DNAH5: variants seen among roughly 807,000 people sequenced by gnomAD.
DNAH5 encodes dynein axonemal heavy chain 5.
In DNAH5, 372 loss-of-function variants were observed where a neutral mutation model predicts 518.2. The observed-to-expected ratio is 0.72, with a 90% CI of 0.66 to 0.78. The LOEUF (loss-of-function observed/expected upper bound fraction) is 0.78. Ranked by LOEUF, DNAH5 falls within the 30% of genes least tolerant of loss-of-function variation. The probability of loss-of-function intolerance (pLI) is 0.00; values close to 1 mark genes in which losing one functional copy is unlikely to be tolerated. For synonymous variants in DNAH5, 2,039 were observed against 2,025.9 expected (o/e 1.01, Z -0.17); for missense variants, 5,523 against 5,687.0 (o/e 0.97, Z 0.93).
chr5:13,904,403 G>T (rs1245011073), intron 12 of DNAH5, among the ~76,000 whole-genome samples: 1 of 147,796 alleles, frequency 6.8e-6, no homozygotes, highest in Non-Finnish European at 1.5e-5. Context: ...ATAAATTATA[G>T]ATATATATAT....
chr5:13,870,042 T>C (rs1335109220), intron 24 of DNAH5, among the ~76,000 whole-genome samples: 1 of 151,756 alleles, frequency 6.6e-6, no homozygotes, highest in African/African-American at 2.4e-5. Context: ...CAGACTTCAC[T>C]GCAAAAAAAA....
At chr5:13,816,770 A>G (rs1440697165) in intron 42 of DNAH5, among the ~76,000 whole-genome samples, 1 of 152,148 alleles carries the variant, frequency 6.6e-6, no homozygotes, top group Non-Finnish European at 1.5e-5. Context: ...TGCGAGCGTC[A>G]ATGGTACTAC....
At chr5:13,722,507 G>A (rs1013103906) in intron 70 of DNAH5, among the ~76,000 whole-genome samples, 2 of 137,066 alleles carry the variant, frequency 1.5e-5, no homozygotes, top group South Asian at 2.5e-4. Context: ...CTTGGTAAGA[G>A]AGGTACAATG....
chr5:13,988,870 G>A (rs1239809115), intron 1 of DNAH5, among the ~76,000 whole-genome samples: 1 of 151,798 alleles, frequency 6.6e-6, no homozygotes, highest in Non-Finnish European at 1.5e-5. Context: ...GGGATTACAG[G>A]TGCCTGCCAC....
Position 13,754,320 on chromosome 5 carries a change from C to T in DNAH5, c.10438G>A (p.Glu3480Lys). Residue 3480 changes from glutamate to lysine, a missense_variant, in exon 62 of 79, where the codon GAG becomes AAG. Around this residue, in one of 3 missense-constraint regions of DNAH5, gnomAD observed 5,121 missense variants for 5,223.3 expected, o/e 0.98. Transcript: ENST00000265104. ...TEKQTLLEDA[E>K]RCRHKMQTAS... ...GTCTGCATCTTGTGTCTGCATCGCT[C>T]TGCATCTTCAAGCAAGGTCTAACAA... 1 of 1,614,048 alleles carries T rather than the reference C, an allele frequency of 6.2e-7. No individual in the cohort carries two copies. Among genetic ancestry groups the T allele is most frequent in the Non-Finnish European group, 8.5e-7 (1 of 1,179,970 alleles).
intron 51 of DNAH5, among the ~76,000 whole-genome samples, chr5:13,788,031 T>G (rs559283355): frequency 6.6e-6 from 1 of 152,196 alleles, no homozygotes; most frequent in Non-Finnish European, 1.5e-5. Flanking sequence ...GCCTAGTTAC[T>G]TCTGAGGGGA....
rs866176945 is a variant in DNAH5, at chr5:13,809,931, G to A, written c.7609+128C>T. The A allele has an allele frequency of 3.0e-4, 288 of 967,982 alleles. 2 individuals are homozygous for A. In the African/African-American group the frequency reaches 3.6e-3, roughly 12 times the overall value. The allele number at this position is 967,982 out of a possible 1,614,324, so 60.0% of individuals were successfully genotyped here. A position where few individuals can be genotyped will look rare whatever the true frequency, so the allele number is the denominator to read the frequency against. Reference sequence around the variant, plus strand: ...ACCACTGTTCACTTTCTTCACACACGAACGTTTTCATATCTTACAGCCAAT... The same window carrying A: ...ACCACTGTTCACTTTCTTCACACACAAACGTTTTCATATCTTACAGCCAAT... On this transcript the variant is annotated intron_variant, in intron 45 of 78. Coordinates refer to ENST00000265104, the MANE Select transcript of DNAH5 (RefSeq NM_001369.3).
At position 13,839,509 on chromosome 5, in the gene DNAH5, CT is replaced by C; in HGVS notation, c.5728del (p.Ser1910ValfsTer8). On this transcript the variant is annotated frameshift_variant, in exon 35 of 79. Coordinates refer to ENST00000265104, the MANE Select transcript of DNAH5 (RefSeq NM_001369.3). LOFTEE classifies it high-confidence loss of function. The part of the protein sequence containing the change: ...FDDLCHMHIK[S>X]PMDFEWLKQC... The stretch of plus-strand genomic sequence containing the variant: ...TTTCAGCCACTCAAAGTCCATGGGA[CT>C]CTTGATATGCATATGACACTGAAAT... 1.2e-6 allele frequency: 2 copies of C among 1,613,928 alleles called. No homozygotes were observed. The highest frequency in any genetic ancestry group is 1.7e-6 in the Non-Finnish European group (2 of 1,179,894).
chr5:13,722,856 C>T (rs1745236354), intron 70 of DNAH5, among the ~76,000 whole-genome samples: 1 of 152,214 alleles, frequency 6.6e-6, no homozygotes, highest in Non-Finnish European at 1.5e-5. Context: ...GTAGAATACA[C>T]AGGATTTCTG....
Position 13,807,642 on chromosome 5 carries a change from G to A in DNAH5, c.7836C>T (p.His2612=), listed in dbSNP as rs1209930398. 1 of 1,612,908 alleles carries A rather than the reference G, an allele frequency of 6.2e-7. No individual in the cohort carries two copies. Among genetic ancestry groups the A allele is most frequent in the East Asian group, 2.2e-5 (1 of 44,856 alleles). The change falls in exon 47 of 79, where the codon CAC becomes CAT. Residue 2612 remains histidine (H), a synonymous_variant. Coordinates refer to ENST00000265104, the MANE Select transcript of DNAH5 (RefSeq NM_001369.3). The stretch of plus-strand genomic sequence containing the variant: ...AAGAAAAATTCAGACTCTTGATCAT[G>A]TGACATTCAGGATCATATTTTGACA... ...GFMSKYDPEC[H]MIKSLNFSSA...
Position 13,917,276 on chromosome 5 carries a change from G to A in DNAH5, c.976-20C>T. 1.3e-6 allele frequency: 2 copies of A among 1,576,880 alleles called. No homozygotes were observed. Among genetic ancestry groups the A allele is most frequent in the Non-Finnish European group, 1.7e-6 (2 of 1,146,842 alleles). Reference sequence around the variant, plus strand: ...CCAAGTCTAAGCACAATAGGGAAAAGCAATTTTAATGTAATTATTAATAGA... The same window carrying A: ...CCAAGTCTAAGCACAATAGGGAAAAACAATTTTAATGTAATTATTAATAGA... On this transcript the variant is annotated intron_variant, in intron 7 of 78. Coordinates refer to ENST00000265104, the MANE Select transcript of DNAH5 (RefSeq NM_001369.3).
At chr5:13,974,554 A>G (rs1782102378) in intron 1 of DNAH5, among the ~76,000 whole-genome samples, 1 of 152,182 alleles carries the variant, frequency 6.6e-6, no homozygotes, top group African/African-American at 2.4e-5. Flanking sequence ...GGTAAAGTTC[A>G]ATAGGGATGG....
intron 7 of DNAH5, among the ~76,000 whole-genome samples, chr5:13,917,474 A>G (rs917160675): frequency 1.3e-5 from 2 of 152,188 alleles, no homozygotes; most frequent in East Asian, 1.9e-4. Context: ...CTTCTCATAT[A>G]AAATCTATGC....
Position 13,859,695 on chromosome 5 carries a change from AC to A in DNAH5, c.4797-91del, listed in dbSNP as rs1315077164. On this transcript the variant is annotated intron_variant, in intron 29 of 78. Transcript: ENST00000265104. ...AGGTTTTTAAAAATCTTAATTTTTA[AC>A]CGCTTTCTTTACAACCTTAATTATG... 10 of 1,341,458 alleles carry A rather than the reference AC, an allele frequency of 7.5e-6. No individual in the cohort carries two copies. In the African/African-American group the frequency reaches 1.5e-4, roughly 19 times the overall value. The allele number at this position is 1,341,458 out of a possible 1,614,324, so 83.1% of individuals were successfully genotyped here. A position where few individuals can be genotyped will look rare whatever the true frequency, so the allele number is the denominator to read the frequency against.
intron 39 of DNAH5, among the ~76,000 whole-genome samples, chr5:13,823,712 C>T (rs950335673): frequency 2.6e-5 from 4 of 152,036 alleles, no homozygotes; most frequent in African/African-American, 9.7e-5. Flanking sequence ...AAATTAATAG[C>T]AGGTTTGTGA....
intron 22 of DNAH5, among the ~76,000 whole-genome samples, chr5:13,874,137 A>G (rs1021862722): frequency 6.6e-6 from 1 of 152,142 alleles, no homozygotes; most frequent in Non-Finnish European, 1.5e-5. Context: ...CCAACCACAA[A>G]TGATTCGTTT....
At chr5:13,980,126 C>A (rs1782572653) in intron 1 of DNAH5, among the ~76,000 whole-genome samples, 1 of 152,116 alleles carries the variant, frequency 6.6e-6, no homozygotes. Context: ...GCGTGACCCA[C>A]CGTGCCCAGC....
intron 1 of DNAH5, among the ~76,000 whole-genome samples, chr5:13,981,863 G>A (rs925074473): frequency 6.6e-6 from 1 of 152,178 alleles, no homozygotes; most frequent in Non-Finnish European, 1.5e-5. Context: ...CCATAACCAT[G>A]TGGCCAACAC....
At chr5:14,005,950 G>A (rs1784696258) in intron 1 of DNAH5, among the ~76,000 whole-genome samples, 1 of 152,218 alleles carries the variant, frequency 6.6e-6, no homozygotes, top group South Asian at 2.1e-4. Context: ...GCCTCTTGGG[G>A]ATCACTCCCA....
Sources: gnomAD v4.1 joint callset for allele counts (sites outside exome capture counted in the v4.1 genomes callset) on GRCh38, gnomAD v4.1.1 for gene constraint, gnomAD v4.1.1 regional missense constraint, MANE v1.5 for transcripts, NCBI Gene and HGNC (gene_info 2026-07-23, HGNC 2026-07-21) for gene names.